Variants in DEAF1 observed in about 807,000 individuals in gnomAD.
DEAF1 encodes DEAF1 transcription factor.
Under a neutral mutation model 58.9 loss-of-function variants are expected in DEAF1, and 53 were observed. That is an observed-to-expected ratio of 0.90 (90% CI 0.72 to 1.13). The LOEUF (loss-of-function observed/expected upper bound fraction) is 1.13, where lower values mean the gene tolerates loss of function less well. Ranked by LOEUF, DEAF1 falls within the 50% of genes most tolerant of loss-of-function variation. DEAF1 has a pLI of 0.00. For missense variants in DEAF1, 685 were observed against 791.4 expected, an observed-to-expected ratio of 0.87 and a Z score of 1.61; for synonymous variants, 385 against 340.4, an observed-to-expected ratio of 1.13 and a Z score of -1.44.
At chr11:681,648 G>T (rs999211708) in intron 6 of DEAF1, among the ~76,000 whole-genome samples, 6 of 151,966 alleles carry the variant, frequency 3.9e-5, no homozygotes, top group Non-Finnish European at 7.4e-5. Flanking sequence ...CTGACCTCGT[G>T]ATCTGCCCAC....
At position 694,881 on chromosome 11, in the gene DEAF1, G is replaced by T. The variant is rs148382494; in HGVS notation, c.167C>A (p.Ala56Glu). The change falls in exon 1 of 12, where the codon GCG (alanine) becomes GAG (glutamate). Residue 56 changes from alanine to glutamate, a missense_variant. Physicochemically the swap from Ala to Glu is moderately radical, Grantham distance 107. This residue lies in a region of DEAF1 where 210 missense variants were observed against 177.3 expected (regional missense o/e 1.18). Coordinates refer to ENST00000382409, the MANE Select transcript of DEAF1 (RefSeq NM_021008.4). ...CGTGACCCGCGGCGTCTCCCGCTCC[G>T]CCTCCGAGTCTGCGTCCTCCTCCGA... Reference protein sequence around the residue: ...EDSEEDADSEAERETPRVTAV... With the variant: ...EDSEEDADSEEERETPRVTAV... The T allele has an allele frequency of 9.3e-6, 14 of 1,500,868 alleles. No individual in the cohort carries two copies. In the African/African-American group the frequency reaches 1.6e-4, roughly 17 times the overall value. 93.0% of individuals were successfully genotyped at this position (1,500,868 alleles called of 1,614,324 possible).
chr11:692,653 G>T (rs1014696798), intron 1 of DEAF1, among the ~76,000 whole-genome samples: 2 of 152,062 alleles, frequency 1.3e-5, no homozygotes, highest in Non-Finnish European at 2.9e-5. Flanking sequence ...AGGAGTTCGA[G>T]ACCAGCCTGA....
At chr11:648,887 CAG>C (rs756406958) in intron 11 of DEAF1, among the ~76,000 whole-genome samples, 1 of 152,174 alleles carries the variant, frequency 6.6e-6, no homozygotes, top group Non-Finnish European at 1.5e-5. Context: ...AGTGAAAGAA[CAG>C]AGGAGCAAAA....
chr11:651,383 T>C, intron 11 of DEAF1: 2 of 314,140 alleles, frequency 6.4e-6, no homozygotes, highest in South Asian at 2.5e-5. Flanking sequence ...GAGACCAGGC[T>C]GGTCAACATA....
intron 11 of DEAF1, among the ~76,000 whole-genome samples, chr11:650,373 CAAAAAAAAAAAA>C (rs796351710): frequency 2.2e-4 from 5 of 22,246 alleles, no homozygotes; most frequent in African/African-American, 7.2e-4. Flanking sequence ...CAGTCCGTCT[CAAAAAAAAAAAA>C]AAAAAAAAAA....
rs573039301 is a variant in DEAF1, at chr11:679,900, C to T, written c.998-84G>A. 8.5e-5 allele frequency: 134 copies of T among 1,584,408 alleles called. 3 individuals are homozygous for T. In the South Asian group the frequency reaches 1.3e-3, roughly 15 times the overall value. On this transcript the variant is annotated intron_variant, in intron 7 of 11. Coordinates refer to ENST00000382409, the MANE Select transcript of DEAF1 (RefSeq NM_021008.4). Reference sequence around the variant, plus strand: ...CCCGTGCCACCCACGGGCGCCAATCCTTGTGGGGGCCTGGGCTGAAGGGCG... The same window carrying T: ...CCCGTGCCACCCACGGGCGCCAATCTTTGTGGGGGCCTGGGCTGAAGGGCG...
At chr11:703,266 A>AGATGGTTTTG in intron 1 of DEAF1, 2 of 1,451,392 alleles carry the variant, frequency 1.4e-6, no homozygotes, top group Non-Finnish European at 1.8e-6. Context: ...GACTGGCCAT[A>AGATGGTTTTG]GATGGTTTTG....
intron 2 of DEAF1, among the ~76,000 whole-genome samples, chr11:690,610 G>A (rs1272643369): frequency 6.6e-6 from 1 of 152,006 alleles, no homozygotes; most frequent in Non-Finnish European, 1.5e-5. Flanking sequence ...GCCTGGCATG[G>A]TGGCACACGC....
chr11:659,240 A>AG (rs2133311206), intron 10 of DEAF1, among the ~76,000 whole-genome samples: 1 of 151,874 alleles, frequency 6.6e-6, no homozygotes, highest in East Asian at 1.9e-4. Context: ...AAAAAAAAAA[A>AG]AAAAAAAATT....
chr11:651,443 T>TA (rs1035569443), intron 11 of DEAF1: 2 of 298,474 alleles, frequency 6.7e-6, no homozygotes, highest in African/African-American at 4.9e-5. Context: ...AAATAAAAAA[T>TA]AAAAAACTTA....
At chr11:699,058 C>G, upstream of DEAF1, 1 of 776,046 alleles carries the variant, frequency 1.3e-6, no homozygotes, top group Non-Finnish European at 2.2e-6. Context: ...TTCCTCGGAT[C>G]AGTTCTGCTG....
upstream of DEAF1, chr11:695,911 A>G: frequency 8.5e-7 from 1 of 1,176,352 alleles, no homozygotes; most frequent in Non-Finnish European, 1.1e-6. Context: ...CCCTGTGGTG[A>G]CAATCCGGTT....
chr11:646,852 T>C (rs1236246706), intron 11 of DEAF1, among the ~76,000 whole-genome samples: 2 of 152,110 alleles, frequency 1.3e-5, no homozygotes, highest in African/African-American at 2.4e-5. Flanking sequence ...AAGCTAACAA[T>C]GAAAGTGCCT....
intron 1 of DEAF1, among the ~76,000 whole-genome samples, chr11:693,795 G>A (rs1016425449): frequency 6.6e-6 from 1 of 152,238 alleles, no homozygotes; most frequent in Non-Finnish European, 1.5e-5. Context: ...AGACTGACCT[G>A]TGTGGCAAGA....
chr11:701,898 A>C (rs1436488194), intron 1 of DEAF1, among the ~76,000 whole-genome samples: 1 of 152,136 alleles, frequency 6.6e-6, no homozygotes, highest in Admixed American at 6.5e-5. Context: ...CCCTCCCCAG[A>C]GCTCACCTCT....
At chr11:679,969 A>T in intron 7 of DEAF1, 153 bp from the exon 8 acceptor site, 1 of 1,081,350 alleles carries the variant, frequency 9.2e-7, no homozygotes, top group Admixed American at 2.1e-5. Flanking sequence ...CACGGGGGAA[A>T]TCCCAGACCT....
rs34114147 is a variant in DEAF1, at chr11:644,614, G to C, written c.1634C>G (p.Ala545Gly). The C allele has an allele frequency of 8.2e-3, 13,236 of 1,612,816 alleles. 84 individuals carry two copies. Among genetic ancestry groups the C allele is most frequent in the Admixed American group, 0.012 (699 of 59,990 alleles). Residue 545 changes from alanine to glycine, a missense_variant, in exon 12 of 12, where the codon GCT (alanine) becomes GGT (glycine). Around this residue, in one of 3 missense-constraint regions of DEAF1, gnomAD observed 343 missense variants for 379.8 expected, o/e 0.90. Coordinates refer to ENST00000382409, the MANE Select transcript of DEAF1 (RefSeq NM_021008.4). The surrounding 1 kb of genome is among the most constrained non-coding windows in gnomAD (Gnocchi z 4.3). ...DHQHICGQSA[A>G]VTVQADEVHV... ...GACTTCGTCTGCCTGGACGGTGACA[G>C]CTGCTGACTGGCCGCATATGTGCTG... is the stretch of plus-strand genomic sequence containing the variant.
At chr11:689,500 C>G (rs533079495) in intron 2 of DEAF1, among the ~76,000 whole-genome samples, 1 of 152,014 alleles carries the variant, frequency 6.6e-6, no homozygotes, top group South Asian at 2.1e-4. Flanking sequence ...CAGGAGCCAC[C>G]GCGCCCAGCT....
At chr11:697,018 G>T (rs571420298), upstream of DEAF1, among the ~76,000 whole-genome samples, 13 of 151,652 alleles carry the variant, frequency 8.6e-5, no homozygotes, top group Non-Finnish European at 1.5e-5. Context: ...GTGGTGGTGG[G>T]GGGGGTGGGG....
Sources: allele counts gnomAD v4.1 joint callset (sites outside exome capture counted in the v4.1 genomes callset), GRCh38; gene constraint gnomAD v4.1.1; regional missense constraint gnomAD v4.1.1; non-coding constraint Gnocchi (gnomAD v3.1); transcripts MANE v1.5; gene names NCBI Gene and HGNC (gene_info 2026-07-23, HGNC 2026-07-21).